Variants in TOM1L2 observed in about 807,000 individuals in gnomAD.
TOM1L2 encodes the protein TOM1-like protein 2.
In TOM1L2, 31 loss-of-function variants were observed where a neutral mutation model predicts 67.9. The observed-to-expected ratio is 0.46, with a 90% CI of 0.34 to 0.62. The LOEUF is 0.62. TOM1L2 is among the 20% of genes least tolerant of loss of function. The pLI is 0.01. For synonymous variants in TOM1L2, 256 were observed against 254.0 expected, an observed-to-expected ratio of 1.01 and a Z score of -0.07; for missense variants, 606 against 663.5, an observed-to-expected ratio of 0.91 and a Z score of 0.95.
At chr17:17,865,045 T>C (rs1346435929) in intron 10 of TOM1L2, among the ~76,000 whole-genome samples, 3 of 152,256 alleles carry the variant, frequency 2.0e-5, no homozygotes, top group African/African-American at 7.2e-5. Context: ...ATGCTTATTA[T>C]TTCAATGTTA....
At chr17:17,863,848 G>A (rs1271853537) in intron 10 of TOM1L2, among the ~76,000 whole-genome samples, 1 of 151,694 alleles carries the variant, frequency 6.6e-6, no homozygotes, top group Non-Finnish European at 1.5e-5. Flanking sequence ...CACCCCTGGT[G>A]GACACTACAC....
intron 1 of TOM1L2, among the ~76,000 whole-genome samples, chr17:17,921,016 T>C (rs774558994): frequency 6.6e-6 from 1 of 152,220 alleles, no homozygotes; most frequent in Non-Finnish European, 1.5e-5. Context: ...GAACTCCAGA[T>C]GTTATTTGGA....
intron 1 of TOM1L2, among the ~76,000 whole-genome samples, chr17:17,922,716 A>G (rs1406563707): frequency 6.6e-6 from 1 of 152,248 alleles, no homozygotes; most frequent in African/African-American, 2.4e-5. Flanking sequence ...ATAAGACACG[A>G]AACAGGGAAC....
chr17:17,972,165 C>A, intron 1 of TOM1L2, 97 bp downstream of exon 1: 1 of 1,466,286 alleles, frequency 6.8e-7, no homozygotes, highest in South Asian at 1.2e-5. Context: ...CCAGCCCGCT[C>A]GTGAAGTGGC....
At chr17:17,911,202 G>C (rs1003497577) in intron 1 of TOM1L2, among the ~76,000 whole-genome samples, 1 of 152,174 alleles carries the variant, frequency 6.6e-6, no homozygotes, top group Non-Finnish European at 1.5e-5. Context: ...CCTACCCCAG[G>C]CGAGAGAAAA....
intron 2 of TOM1L2, among the ~76,000 whole-genome samples, chr17:17,900,765 A>G (rs2038815036): frequency 6.6e-6 from 1 of 152,132 alleles, no homozygotes; most frequent in African/African-American, 2.4e-5. Flanking sequence ...GGGGATGCTG[A>G]TTTCTGCAAA....
chr17:17,938,307 G>A (rs1285185869), intron 1 of TOM1L2, among the ~76,000 whole-genome samples: 3 of 152,208 alleles, frequency 2.0e-5, no homozygotes, highest in African/African-American at 4.8e-5. Flanking sequence ...CGTTCTAGAA[G>A]GGGTGCCTGC....
intron 7 of TOM1L2, among the ~76,000 whole-genome samples, chr17:17,875,274 A>G (rs540359144): frequency 1.4e-4 from 22 of 152,066 alleles, no homozygotes; most frequent in South Asian, 1.0e-3. Flanking sequence ...AAAAAGAAAA[A>G]AAAAAAAAAA....
intron 1 of TOM1L2, among the ~76,000 whole-genome samples, chr17:17,955,312 G>C (rs1802525276): frequency 7.0e-6 from 1 of 142,804 alleles, no homozygotes; most frequent in African/African-American, 2.6e-5. Flanking sequence ...CAGGACCCCA[G>C]ACCACACAAT....
rs537253180 is a variant in TOM1L2 at position 17,955,391 on chromosome 17, T to C, written c.52+16871A>G. Among the ~76,000 whole-genome samples the C allele has an allele frequency of 1.1e-4, 15 of 141,920 alleles. 1 individual carries two copies. The East Asian group carries it at 3.1e-3, about 30-fold the overall frequency. 93.1% of individuals were successfully genotyped at this position (141,920 alleles called of 152,430 possible). On this transcript the variant is annotated intron_variant, in intron 1 of 14. Coordinates refer to ENST00000379504, the MANE Select transcript of TOM1L2 (RefSeq NM_001082968.2). ...GACTTGCTCTGTCGCCAGGCTGGAG[T>C]ACAGTGACGACATCTCTGCTCACCT...
At chr17:17,900,079 G>A (rs940506126) in intron 2 of TOM1L2, among the ~76,000 whole-genome samples, 5 of 151,644 alleles carry the variant, frequency 3.3e-5, no homozygotes, top group Non-Finnish European at 7.4e-5. Flanking sequence ...TGGGTGTGGT[G>A]GCAGCTGCCT....
At chr17:17,876,719 C>T (rs553904062) in intron 7 of TOM1L2, among the ~76,000 whole-genome samples, 7 of 152,292 alleles carry the variant, frequency 4.6e-5, no homozygotes, top group East Asian at 3.9e-4. Flanking sequence ...TACCTGGCAT[C>T]GCCCAGCTCA....
intron 2 of TOM1L2, among the ~76,000 whole-genome samples, chr17:17,903,548 G>A (rs2038950037): frequency 6.6e-6 from 1 of 151,122 alleles, no homozygotes; most frequent in African/African-American, 2.4e-5. Flanking sequence ...GGGAGGCGGA[G>A]CTTGCAGTGA....
At chr17:17,851,103 G>A in intron 12 of TOM1L2, 151 bp from the exon 13 acceptor site, 2 of 732,976 alleles carry the variant, frequency 2.7e-6, no homozygotes, top group Non-Finnish European at 4.6e-6. Flanking sequence ...AGCACACAGG[G>A]GCAACACAGG....
At chr17:17,861,357 C>G in intron 12 of TOM1L2, 119 bp downstream of exon 12, 1 of 930,258 alleles carries the variant, frequency 1.1e-6, no homozygotes. Context: ...GTCTCTCCCC[C>G]AGGGTGTCCC....
At chr17:17,899,644 C>A (rs931678192) in intron 2 of TOM1L2, among the ~76,000 whole-genome samples, 11 of 152,206 alleles carry the variant, frequency 7.2e-5, no homozygotes, top group Admixed American at 7.2e-4. Context: ...TGGCACAAAG[C>A]CCCTGTGCTG....
chr17:17,888,944 G>A (rs111604873), intron 4 of TOM1L2, among the ~76,000 whole-genome samples: 42 of 152,330 alleles, frequency 2.8e-4, no homozygotes, highest in African/African-American at 8.9e-4. Flanking sequence ...GAAAGCTGCC[G>A]GAAGGGAAGT....
intron 1 of TOM1L2, among the ~76,000 whole-genome samples, chr17:17,909,208 A>C (rs1475668546): frequency 1.3e-5 from 2 of 152,052 alleles, no homozygotes; most frequent in East Asian, 1.9e-4. Flanking sequence ...AACAAACAAA[A>C]AACATAGCAT....
chr17:17,888,972 G>A (rs911142246), intron 4 of TOM1L2, among the ~76,000 whole-genome samples: 1 of 152,252 alleles, frequency 6.6e-6, no homozygotes, highest in Non-Finnish European at 1.5e-5. Flanking sequence ...GCCCCTGGGG[G>A]TAGAAGTGAG....
Sources: gnomAD v4.1 joint callset for allele counts (sites outside exome capture counted in the v4.1 genomes callset) on GRCh38, gnomAD v4.1.1 for gene constraint, MANE v1.5 for transcripts, NCBI Gene and HGNC (gene_info 2026-07-23, HGNC 2026-07-21) for gene names.